The following HCRTR2 variants were observed in gnomAD, a reference collection of about 807,000 sequenced individuals.
HCRTR2 encodes the protein orexin receptor type 2.
A neutral mutation model predicts 49.0 loss-of-function variants in HCRTR2; 22 were observed. That is an observed-to-expected ratio of 0.45 (90% confidence interval 0.32 to 0.64). The LOEUF (loss-of-function observed/expected upper bound fraction) is 0.64, where lower values mean the gene tolerates loss of function less well. Ranked by LOEUF, HCRTR2 falls within the 30% of genes least tolerant of loss-of-function variation. The pLI is 0.04. For missense variants in HCRTR2, 491 were observed against 559.4 expected, an observed-to-expected ratio of 0.88 and a Z score of 1.23; for synonymous variants, 236 against 205.3, an observed-to-expected ratio of 1.15 and a Z score of -1.28.
At chr6:55,150,868 C>T (rs1347659396) in intron 1 of HCRTR2, among the ~76,000 whole-genome samples, 3 of 152,074 alleles carry the variant, frequency 2.0e-5, no homozygotes, top group East Asian at 1.9e-4. Context: ...TTAGAGGATA[C>T]TGCAGGTTTG....
chr6:55,179,275 C>T (rs544980417), intron 1 of HCRTR2, among the ~76,000 whole-genome samples: 1 of 152,086 alleles, frequency 6.6e-6, no homozygotes, highest in African/African-American at 2.4e-5. Context: ...TTTCTAAACC[C>T]TTTTTAGATA....
At chr6:55,247,264 A>G (rs12196761) in intron 1 of HCRTR2, among the ~76,000 whole-genome samples, 45,517 of 151,978 alleles carry the variant, frequency 0.3, 8,499 homozygotes, top group Non-Finnish European at 0.42. Context: ...TTTGGATATT[A>G]CCACGTGAGA....
intron 4 of HCRTR2, among the ~76,000 whole-genome samples, chr6:55,272,812 A>T (rs1441689173): frequency 1.3e-5 from 2 of 151,494 alleles, no homozygotes; most frequent in Non-Finnish European, 2.9e-5. Context: ...ATTCCATGAA[A>T]CCATATATCA....
intron 2 of HCRTR2, among the ~76,000 whole-genome samples, chr6:55,254,406 T>G (rs1562023297): frequency 6.6e-6 from 1 of 152,112 alleles, no homozygotes; most frequent in African/African-American, 2.4e-5. Flanking sequence ...GTTATTTCCT[T>G]AAAGTGTCAA....
chr6:55,200,241 GT>G (rs1168434926), intron 1 of HCRTR2, among the ~76,000 whole-genome samples: 2 of 119,194 alleles, frequency 1.7e-5, no homozygotes, highest in Non-Finnish European at 3.7e-5. Context: ...TGTCTTGTGT[GT>G]GTGTGTGTGT....
In HCRTR2 at chr6:55,277,384, C is replaced by G; in HGVS notation, c.767C>G (p.Pro256Arg). The G allele has an allele frequency of 6.2e-7, 1 of 1,612,718 alleles. No homozygotes were observed. The highest frequency in any genetic ancestry group is 8.5e-7 in the Non-Finnish European group (1 of 1,178,770). ...IFRKLWCRQI[P>R]GTSSVVQRKW... is the part of the protein sequence containing the mutation. Reference sequence around the variant, plus strand: ...GTCTGTCTCTTCTCCTTTCAGATCCCTGGAACATCATCTGTAGTTCAGAGA... The same window carrying G: ...GTCTGTCTCTTCTCCTTTCAGATCCGTGGAACATCATCTGTAGTTCAGAGA... The change falls in exon 5 of 7, where the codon CCT becomes CGT. Residue 256 changes from proline to arginine, a missense_variant. Coordinates refer to ENST00000370862, the MANE Select transcript of HCRTR2 (RefSeq NM_001384272.1).
At chr6:55,262,218 T>G (rs1422260743) in intron 3 of HCRTR2, among the ~76,000 whole-genome samples, 1 of 150,828 alleles carries the variant, frequency 6.6e-6, no homozygotes, top group East Asian at 1.9e-4. Context: ...CCACTGAAGA[T>G]TCATGTAACC....
intron 1 of HCRTR2, among the ~76,000 whole-genome samples, chr6:55,142,002 A>G (rs1764513864): frequency 6.6e-6 from 1 of 152,210 alleles, no homozygotes; most frequent in African/African-American, 2.4e-5. Flanking sequence ...TTATAATCAA[A>G]GAAAGTACAA....
chr6:55,165,473 A>C (rs556094379), intron 1 of HCRTR2, among the ~76,000 whole-genome samples: 1 of 152,140 alleles, frequency 6.6e-6, no homozygotes, highest in Non-Finnish European at 1.5e-5. Context: ...ATAAAACCCC[A>C]AAATAGATTA....
At chr6:55,260,955 A>C (rs1766743642) in intron 3 of HCRTR2, among the ~76,000 whole-genome samples, 1 of 152,216 alleles carries the variant, frequency 6.6e-6, no homozygotes, top group Non-Finnish European at 1.5e-5. Context: ...AAATACATAG[A>C]GGTAATAGCA....
In HCRTR2 at chr6:55,248,709, G is replaced by T; in HGVS notation, c.294G>T (p.Leu98=). 6.2e-7 allele frequency: 1 copy of T among 1,613,440 alleles called. No individual in the cohort carries two copies. The highest frequency in any genetic ancestry group is 8.5e-7 in the Non-Finnish European group (1 of 1,179,544). ...ACTACTTCATAGTCAATCTTTCTCT[G>T]GCTGATGTGCTCGTGACCATCACCT... ...VTNYFIVNLS[L]ADVLVTITCL... The change falls in exon 2 of 7, where the codon CTG becomes CTT. Residue 98 remains leucine (L), a synonymous_variant. Transcript: ENST00000370862.
intron 3 of HCRTR2, among the ~76,000 whole-genome samples, chr6:55,256,278 C>CTCTAAATGTTAACATATGAAT (rs1766650670): frequency 6.6e-6 from 1 of 152,022 alleles, no homozygotes; most frequent in Non-Finnish European, 1.5e-5. Context: ...TTAGAGAATT[C>CTCTAAATGTTAACATATGAAT]ATATGTTAAC....
chr6:55,206,069 T>G (rs1425013415), intron 1 of HCRTR2, among the ~76,000 whole-genome samples: 1 of 144,866 alleles, frequency 6.9e-6, no homozygotes, highest in Non-Finnish European at 1.5e-5. Flanking sequence ...AAATCATTCA[T>G]TTTTTGGAAT....
chr6:55,248,855 G>A, intron 2 of HCRTR2, 38 bp downstream of exon 2: 1 of 1,567,724 alleles, frequency 6.4e-7, no homozygotes, highest in Non-Finnish European at 8.8e-7. Flanking sequence ...CTACTAAAAA[G>A]AATGTTCAGC....
intron 1 of HCRTR2, among the ~76,000 whole-genome samples, chr6:55,128,105 G>A (rs1039481814): frequency 1.3e-5 from 2 of 152,118 alleles, no homozygotes; most frequent in Non-Finnish European, 2.9e-5. Flanking sequence ...TGTACATGGT[G>A]TAAGGAAGGG....
chr6:55,120,163 T>G (rs144391039), intron 1 of HCRTR2, among the ~76,000 whole-genome samples: 5,612 of 152,110 alleles, frequency 0.037, 340 homozygotes, highest in African/African-American at 0.13. Context: ...ATGCTGTTTT[T>G]GTTACTGTAG....
At chr6:55,273,616 G>A (rs1767016263) in intron 4 of HCRTR2, among the ~76,000 whole-genome samples, 1 of 151,922 alleles carries the variant, frequency 6.6e-6, no homozygotes, top group African/African-American at 2.4e-5. Flanking sequence ...AGTTACCAAT[G>A]ATTTCTAAAG....
chr6:55,268,797 A>T (rs181663625), intron 4 of HCRTR2, among the ~76,000 whole-genome samples: 1 of 152,218 alleles, frequency 6.6e-6, no homozygotes, highest in Admixed American at 6.5e-5. Flanking sequence ...GTAGTAATGG[A>T]TAGAAAACAC....
intron 1 of HCRTR2, among the ~76,000 whole-genome samples, chr6:55,189,731 G>T (rs115880420): frequency 0.018 from 2,677 of 152,200 alleles, 71 homozygotes; most frequent in African/African-American, 0.061. Flanking sequence ...AGCAAACTAT[G>T]ATGACACACG....
Sources: gnomAD v4.1 joint callset for allele counts (sites outside exome capture counted in the v4.1 genomes callset) on GRCh38, gnomAD v4.1.1 for gene constraint, MANE v1.5 for transcripts, NCBI Gene and HGNC (gene_info 2026-07-23, HGNC 2026-07-21) for gene names.